Variants in GPX8 observed in about 807,000 individuals in gnomAD.
GPX8 encodes glutathione peroxidase 8 (putative).
Under a neutral mutation model 17.8 loss-of-function variants are expected in GPX8, and 12 were observed. The ratio of observed to expected loss-of-function variants is 0.67; its 90% CI spans 0.43 to 1.09. The LOEUF (loss-of-function observed/expected upper bound fraction) is 1.09, where lower values mean the gene tolerates loss of function less well. GPX8 is among the 50% of genes least tolerant of loss of function. The pLI is 0.00. For missense variants in GPX8, 209 were observed against 235.6 expected (o/e 0.89, Z 0.74); for synonymous variants, 86 against 88.1 (o/e 0.98, Z 0.14).
At chr5:55,161,373 A>G (rs1295281854) in intron 2 of GPX8, 118 bp downstream of exon 2, 17 of 970,726 alleles carry the variant, frequency 1.8e-5, no homozygotes, top group Non-Finnish European at 2.6e-5. Flanking sequence ...TCATAAAACT[A>G]TCATCAAAGA....
rs1183065745 is a variant in GPX8 at position 55,164,506 on chromosome 5, A to G, written c.*288A>G. The G allele has an allele frequency of 5.0e-6, 1 of 199,330 alleles. No individual in the cohort carries two copies. Among genetic ancestry groups the G allele is most frequent in the Non-Finnish European group, 1.0e-5 (1 of 99,322 alleles). 12.3% of individuals were successfully genotyped at this position (199,330 alleles called of 1,614,324 possible). Reference sequence around the variant, plus strand: ...AGTAGCCAAAGAATCAACATGAAATATATTAACTACTTCCTCTGACCATAC... The same window carrying G: ...AGTAGCCAAAGAATCAACATGAAATGTATTAACTACTTCCTCTGACCATAC... On this transcript the variant is annotated 3_prime_UTR_variant, in exon 3 of 3. Coordinates refer to ENST00000503787, the MANE Select transcript of GPX8 (RefSeq NM_001008397.4).
rs766955472 is a variant in GPX8, at chr5:55,161,053, G to A, written c.264G>A (p.Gly88=). The change falls in exon 2 of 3, where the codon GGG becomes GGA. Residue 88 remains glycine (G), a synonymous_variant. Coordinates refer to ENST00000503787, the MANE Select transcript of GPX8 (RefSeq NM_001008397.4). The part of the protein sequence containing the change: ...DCQLTDRNYL[G]LKELHKEFGP... Reference sequence around the variant, plus strand: ...AACTCACAGACAGAAATTACTTAGGGCTGAAGGAACTGCACAAAGAGTTTG... The same window carrying A: ...AACTCACAGACAGAAATTACTTAGGACTGAAGGAACTGCACAAAGAGTTTG... 1.9e-6 allele frequency: 3 copies of A among 1,614,116 alleles called. No individual in the cohort carries two copies. Among genetic ancestry groups the A allele is most frequent in the Non-Finnish European group, 2.5e-6 (3 of 1,180,018 alleles).
intron 2 of GPX8, among the ~76,000 whole-genome samples, chr5:55,163,070 C>T (rs144888812): frequency 0.012 from 1,806 of 152,076 alleles, 13 homozygotes; most frequent in Non-Finnish European, 0.017. Flanking sequence ...ATTTGAAGCA[C>T]GGAGCGTACA....
intron 2 of GPX8, 68 bp from the exon 3 acceptor site, chr5:55,163,987 C>G: frequency 8.4e-7 from 1 of 1,184,988 alleles, no homozygotes; most frequent in Non-Finnish European, 1.2e-6. Context: ...TATGCAGATA[C>G]TAATAGAAGT....
rs1580377726 is a variant in GPX8 at position 55,165,949 on chromosome 5, C to T, written c.*1731C>T. Reference sequence around the variant, plus strand: ...TAACCTGGATTGTTAGCGAAGAAAACAGAAGCCACCAACAAGCCTATCTGT... The same window carrying T: ...TAACCTGGATTGTTAGCGAAGAAAATAGAAGCCACCAACAAGCCTATCTGT... On this transcript the variant is annotated 3_prime_UTR_variant, in exon 3 of 3. Transcript: ENST00000503787. The T allele has an allele frequency of 6.6e-6, 1 of 152,242 alleles. No individual in the cohort carries two copies. Among genetic ancestry groups the T allele is most frequent in the East Asian group, 1.9e-4 (1 of 5,200 alleles). The allele number at this position is 152,242 out of a possible 1,614,324, so 9.4% of individuals were successfully genotyped here.
intron 2 of GPX8, among the ~76,000 whole-genome samples, chr5:55,161,858 A>T (rs1744082867): frequency 6.6e-6 from 1 of 152,194 alleles, no homozygotes; most frequent in Non-Finnish European, 1.5e-5. Flanking sequence ...AAAGGTCATG[A>T]GGCATACAGA....
At position 55,160,306 on chromosome 5, in the gene GPX8, A is replaced by G; in HGVS notation, c.114A>G (p.Lys38=). 6.2e-7 allele frequency: 1 copy of G among 1,614,002 alleles called. No individual in the cohort carries two copies. Among genetic ancestry groups the G allele is most frequent in the Non-Finnish European group, 8.5e-7 (1 of 1,179,882 alleles). ...CTVTLFLLQL[K]FLKPKINSFY... is the part of the protein sequence containing the mutation. ...TAACGCTATTTCTTCTACAACTAAA[A>G]TTCCTCAAACCTAAAATCAACAGCT... Residue 38 remains lysine (K), a synonymous_variant, in exon 1 of 3, where the codon AAA becomes AAG. Coordinates refer to ENST00000503787, the MANE Select transcript of GPX8 (RefSeq NM_001008397.4).
In GPX8 at chr5:55,160,338, C is replaced by T. The variant is rs1743976095; in HGVS notation, c.146C>T (p.Ala49Val). ...FLKPKINSFY[A>V]FEVKDAKGRT... ...AAACCTAAAATCAACAGCTTTTATG[C>T]CTTTGAAGTGAAGGATGCAAAAGGA... The change falls in exon 1 of 3, where the codon GCC becomes GTC. Residue 49 changes from alanine to valine, a missense_variant. Physicochemically the swap from Ala to Val is moderately conservative, Grantham distance 64. Transcript: ENST00000503787. 5.0e-6 allele frequency: 8 copies of T among 1,613,676 alleles called. No individual in the cohort carries two copies. In the South Asian group the frequency reaches 6.6e-5, roughly 13 times the overall value.
rs1744035868 is a variant in GPX8 at position 55,161,168 on chromosome 5, A to G, written c.379A>G (p.Arg127Gly). The change falls in exon 2 of 3, where the codon AGA becomes GGA. Residue 127 changes from arginine (R) to glycine (G), a missense_variant. Coordinates refer to ENST00000503787, the MANE Select transcript of GPX8 (RefSeq NM_001008397.4). ...RPSKEVESFARKNYGVTFPIF... is the reference protein window; with the variant it reads ...RPSKEVESFAGKNYGVTFPIF... ...AAGCAAGGAAGTAGAATCTTTTGCA[A>G]GAAAAAACTACGGAGTAACTTTCCC... 6.2e-6 allele frequency: 10 copies of G among 1,614,242 alleles called. No homozygotes were observed. The highest frequency in any genetic ancestry group is 8.5e-6 in the Non-Finnish European group (10 of 1,180,036).
chr5:55,161,061 A>G lies in GPX8; in HGVS notation c.272A>G (p.Glu91Gly). 1 of 1,614,148 alleles carries G rather than the reference A, an allele frequency of 6.2e-7. No homozygotes were observed. Among genetic ancestry groups the G allele is most frequent in the Non-Finnish European group, 8.5e-7 (1 of 1,180,018 alleles). Reference sequence around the variant, plus strand: ...GACAGAAATTACTTAGGGCTGAAGGAACTGCACAAAGAGTTTGGACCATCC... The same window carrying G: ...GACAGAAATTACTTAGGGCTGAAGGGACTGCACAAAGAGTTTGGACCATCC... The part of the protein sequence containing the change: ...LTDRNYLGLK[E>G]LHKEFGPSHF... The change falls in exon 2 of 3, where the codon GAA becomes GGA. Residue 91 changes from glutamate to glycine, a missense_variant. By Grantham distance (98) the Glu-to-Gly change is moderately conservative. Coordinates refer to ENST00000503787, the MANE Select transcript of GPX8 (RefSeq NM_001008397.4).
rs1744400876 is a variant in GPX8 at position 55,166,587 on chromosome 5, C to T, written c.*2369C>T. ...GTGCTGCTACCTGTAACTCAAATGC[C>T]TCATAGGAATACCAGCGGACAAACA... On this transcript the variant is annotated 3_prime_UTR_variant, in exon 3 of 3. Transcript: ENST00000503787. 1 of 152,168 alleles carries T rather than the reference C, an allele frequency of 6.6e-6. No individual in the cohort carries two copies. The highest frequency in any genetic ancestry group is 1.5e-5 in the Non-Finnish European group (1 of 68,054). The allele number at this position is 152,168 out of a possible 1,614,324, so 9.4% of individuals were successfully genotyped here.
chr5:55,161,774 G>A (rs539609837), intron 2 of GPX8, among the ~76,000 whole-genome samples: 1 of 152,314 alleles, frequency 6.6e-6, no homozygotes, highest in East Asian at 1.9e-4. Context: ...TCAGAGGGCA[G>A]TAGTGTTAGG....
intron 2 of GPX8, among the ~76,000 whole-genome samples, chr5:55,161,976 C>T (rs573986486): frequency 5.2e-4 from 78 of 150,386 alleles, no homozygotes; most frequent in African/African-American, 1.9e-3. Context: ...GTAAAATGGG[C>T]TATCAATAGT....
At chr5:55,162,090 C>CAAAA (rs34286995) in intron 2 of GPX8, among the ~76,000 whole-genome samples, 2 of 90,728 alleles carry the variant, frequency 2.2e-5, no homozygotes, top group Non-Finnish European at 2.2e-5. Flanking sequence ...CCATATTAGT[C>CAAAA]AAAAAAAAAA....
rs1744385049 is a variant in GPX8 at position 55,166,351 on chromosome 5, C to T, written c.*2133C>T. 1 of 152,250 alleles carries T rather than the reference C, an allele frequency of 6.6e-6. No homozygotes were observed. Among genetic ancestry groups the T allele is most frequent in the Non-Finnish European group, 1.5e-5 (1 of 68,062 alleles). The allele number at this position is 152,250 out of a possible 1,614,324, so 9.4% of individuals were successfully genotyped here. On this transcript the variant is annotated 3_prime_UTR_variant, in exon 3 of 3. Coordinates refer to ENST00000503787, the MANE Select transcript of GPX8 (RefSeq NM_001008397.4). ...AAAGTGGGTTTCTTCACTTACATCT[C>T]TCTAATCTTGGCTGCCTTATTCAAC...
At chr5:55,163,023 C>T (rs1013221401) in intron 2 of GPX8, among the ~76,000 whole-genome samples, 1 of 152,106 alleles carries the variant, frequency 6.6e-6, no homozygotes, top group Admixed American at 6.5e-5. Context: ...ATAATACCCA[C>T]CTCATAGGGT....
intron 1 of GPX8, 130 bp downstream of exon 1, chr5:55,160,526 T>C (rs1743991806): frequency 1.6e-6 from 1 of 642,028 alleles, no homozygotes; most frequent in Admixed American, 2.9e-5. Context: ...ATGGTATTAG[T>C]ACATCACTTT....
Position 55,165,845 on chromosome 5 carries a change from TA to T in GPX8, c.*1632del, listed in dbSNP as rs1744354715. ...TAAATTGAACAGGGGTTGAATGGAA[TA>T]AAAAGCCCTTTGCAACTCTAAAAGT... On this transcript the variant is annotated 3_prime_UTR_variant, in exon 3 of 3. Coordinates refer to ENST00000503787, the MANE Select transcript of GPX8 (RefSeq NM_001008397.4). 1 of 152,194 alleles carries T rather than the reference TA, an allele frequency of 6.6e-6. No homozygotes were observed. The highest frequency in any genetic ancestry group is 1.5e-5 in the Non-Finnish European group (1 of 68,040). The allele number at this position is 152,194 out of a possible 1,614,324, so 9.4% of individuals were successfully genotyped here.
chr5:55,162,263 G>A (rs540126428), intron 2 of GPX8, among the ~76,000 whole-genome samples: 5 of 152,228 alleles, frequency 3.3e-5, no homozygotes, highest in South Asian at 4.1e-4. Context: ...AGGTGTGGTG[G>A]TGGGCACCTG....
Sources: gnomAD v4.1 joint callset for allele counts (sites outside exome capture counted in the v4.1 genomes callset) on GRCh38, gnomAD v4.1.1 for gene constraint, MANE v1.5 for transcripts, NCBI Gene and HGNC (gene_info 2026-07-23, HGNC 2026-07-21) for gene names.